The following ZNF264 variants were observed in gnomAD, a reference collection of about 807,000 sequenced individuals.
ZNF264 encodes the protein zinc finger protein 264.
A neutral mutation model predicts 11.2 loss-of-function variants in ZNF264; 11 were observed. The ratio of observed to expected loss-of-function variants is 0.98; its 90% CI spans 0.62 to 1.63. ZNF264 has a LOEUF of 1.63. Among genes scored for constraint, ZNF264 ranks in the 40% most tolerant of loss-of-function variants. The probability of loss-of-function intolerance (pLI) is 0.00; values close to 1 mark genes in which losing one functional copy is unlikely to be tolerated. For synonymous variants in ZNF264, 309 were observed against 279.8 expected (o/e 1.10, Z -1.04); for missense variants, 752 against 768.1 (o/e 0.98, Z 0.25).
At chr19:57,194,179 A>T (rs2087195805) in intron 2 of ZNF264, 178 bp downstream of exon 2, 4 of 849,084 alleles carry the variant, frequency 4.7e-6, no homozygotes, top group Non-Finnish European at 6.8e-6. Flanking sequence ...TCTCTGGGCT[A>T]AAGACAGGGT....
rs755933796 is a variant in ZNF264, at chr19:57,212,923, C to T, written c.1826C>T (p.Ser609Phe). 36 of 1,614,022 alleles carry T rather than the reference C, an allele frequency of 2.2e-5. No homozygotes were observed. Among genetic ancestry groups the T allele is most frequent in the Non-Finnish European group, 2.9e-5 (34 of 1,179,988 alleles). The change falls in exon 4 of 4, where the codon TCT becomes TTT. Residue 609 changes from serine (S) to phenylalanine (F), a missense_variant. By Grantham distance (155) the Ser-to-Phe change is radical. Coordinates refer to ENST00000263095, the MANE Select transcript of ZNF264 (RefSeq NM_003417.5). ...GCAAATATTTTGCCAGAGGAAACAT[C>T]TTCCTCTGCATCTGATCAACCATAC... ...TEANILPEET[S>F]SSASDQPYQR... is the part of the protein sequence containing the mutation.
At chr19:57,202,238 T>C (rs2087258656) in intron 2 of ZNF264, among the ~76,000 whole-genome samples, 1 of 151,766 alleles carries the variant, frequency 6.6e-6, no homozygotes, top group Non-Finnish European at 1.5e-5. Flanking sequence ...ACCCATGGGA[T>C]TTTAATTTAT....
chr19:57,191,749 G>A lies in ZNF264; in HGVS notation c.-165G>A. Reference sequence around the variant, plus strand: ...CTGGGTCTGGAACGCGGTTGCCACCGAGGAGGCGGCGGCCCTGCGTCTGGA... The same window carrying A: ...CTGGGTCTGGAACGCGGTTGCCACCAAGGAGGCGGCGGCCCTGCGTCTGGA... On this transcript the variant is annotated 5_prime_UTR_variant, in exon 1 of 4. Coordinates refer to ENST00000263095, the MANE Select transcript of ZNF264 (RefSeq NM_003417.5). 1 of 457,078 alleles carries A rather than the reference G, an allele frequency of 2.2e-6. No homozygotes were observed. The highest frequency in any genetic ancestry group is 3.6e-5 in the East Asian group (1 of 28,110). The allele number at this position is 457,078 out of a possible 1,614,324, so 28.3% of individuals were successfully genotyped here.
rs766463118 is a variant in ZNF264, at chr19:57,211,457, C to T, written c.360C>T (p.Asp120=). The change falls in exon 4 of 4, where the codon GAC becomes GAT. Residue 120 remains aspartate, a synonymous_variant. Transcript: ENST00000263095. Reference sequence around the variant, plus strand: ...AAGTGACACAAGGAAACTCAGTGGACTCACAGTTGGGGCAAGCCGAGGATC... The same window carrying T: ...AAGTGACACAAGGAAACTCAGTGGATTCACAGTTGGGGCAAGCCGAGGATC... ...QGQVTQGNSV[D]SQLGQAEDQD... 15 of 1,614,094 alleles carry T rather than the reference C, an allele frequency of 9.3e-6. No homozygotes were observed. In the South Asian group the frequency reaches 1.6e-4, roughly 18 times the overall value.
intron 1 of ZNF264, among the ~76,000 whole-genome samples, chr19:57,192,152 T>C (rs1285122372): frequency 6.6e-6 from 1 of 152,012 alleles, no homozygotes; most frequent in African/African-American, 2.4e-5. Flanking sequence ...GTTGAGTGAA[T>C]GATGCTTCCT....
In ZNF264 at chr19:57,192,289, C is replaced by T. The variant is rs1358001970; in HGVS notation, c.33+343C>T. The T allele has an allele frequency of 5.2e-6, 5 of 968,282 alleles. No homozygotes were observed. The African/African-American group carries it at 7.0e-5, about 14-fold the overall frequency. 60.0% of individuals were successfully genotyped at this position (968,282 alleles called of 1,614,324 possible). A position where few individuals can be genotyped will look rare whatever the true frequency, so the allele number is the denominator to read the frequency against. ...AGTAGCAAGCCGACAAATGCGCGAG[C>T]AGAGACAAGGTATGTTGTATGTTTA... On this transcript the variant is annotated intron_variant, in intron 1 of 3. Coordinates refer to ENST00000263095, the MANE Select transcript of ZNF264 (RefSeq NM_003417.5).
chr19:57,208,640 T>C (rs75542822), intron 3 of ZNF264, among the ~76,000 whole-genome samples: 3,161 of 152,314 alleles, frequency 0.021, 112 homozygotes, highest in African/African-American at 0.073. Flanking sequence ...GAAACAGTGA[T>C]ACTGTGGATA....
At chr19:57,192,241 AG>A in intron 1 of ZNF264, 2 of 694,398 alleles carry the variant, frequency 2.9e-6, no homozygotes, top group Non-Finnish European at 3.5e-6. Flanking sequence ...TGGGGGCCTG[AG>A]GGGGGAAGGG....
At chr19:57,193,686 C>T (rs935123048) in intron 1 of ZNF264, 189 bp from the exon 2 acceptor site, 14 of 621,132 alleles carry the variant, frequency 2.3e-5, no homozygotes, top group East Asian at 1.4e-4. Context: ...TAGGAGGCTT[C>T]TCTCCTTTAC....
At position 57,205,486 on chromosome 19, in the gene ZNF264, T is replaced by C; in HGVS notation, c.250T>C (p.Cys84Arg). The change falls in exon 3 of 4, where the codon TGT becomes CGT. Residue 84 changes from cysteine to arginine, a missense_variant. Coordinates refer to ENST00000263095, the MANE Select transcript of ZNF264 (RefSeq NM_003417.5). ...GAAGGAAGACCTCTCCCAAGACACCTGTCCAGGTAGGAGCCAAGATCTGGG... is the reference window on the plus strand; with the variant it reads ...GAAGGAAGACCTCTCCCAAGACACCCGTCCAGGTAGGAGCCAAGATCTGGG... ...TRKEDLSQDT[C>R]PGDKGKPKTT... 1 of 1,608,884 alleles carries C rather than the reference T, an allele frequency of 6.2e-7. No homozygotes were observed. The highest frequency in any genetic ancestry group is 1.3e-5 in the African/African-American group (1 of 75,008).
chr19:57,212,506 T>C lies in ZNF264; in HGVS notation c.1409T>C (p.Leu470Pro), dbSNP rs2087347452. The change falls in exon 4 of 4, where the codon CTC becomes CCC. Residue 470 changes from leucine (L) to proline (P), a missense_variant. Physicochemically the swap from Leu to Pro is moderately conservative, Grantham distance 98. Transcript: ENST00000263095. ...AAAGCCTTTAGCAATCGGAAGGACC[T>C]CATTCGCCACTTCAGCATCCACACT... is the stretch of plus-strand genomic sequence containing the variant. ...CGKAFSNRKD[L>P]IRHFSIHTGE... 6.2e-7 allele frequency: 1 copy of C among 1,614,024 alleles called. No homozygotes were observed. The highest frequency in any genetic ancestry group is 8.5e-7 in the Non-Finnish European group (1 of 1,180,002).
chr19:57,211,544 G>T lies in ZNF264; in HGVS notation c.447G>T (p.Lys149Asn). Residue 149 changes from lysine to asparagine, a missense_variant, in exon 4 of 4, where the codon AAG (lysine) becomes AAT (asparagine). Lys to Asn is a moderately conservative substitution (Grantham distance 94). Coordinates refer to ENST00000263095, the MANE Select transcript of ZNF264 (RefSeq NM_003417.5). ...HFRPGIDPQE[K>N]SPGKMSPECD... ...GACCAGGAATAGATCCCCAGGAGAA[G>T]TCTCCTGGGAAGATGAGCCCTGAAT... 1 of 1,614,082 alleles carries T rather than the reference G, an allele frequency of 6.2e-7. No individual in the cohort carries two copies. Among genetic ancestry groups the T allele is most frequent in the Non-Finnish European group, 8.5e-7 (1 of 1,180,004 alleles).
At position 57,212,171 on chromosome 19, in the gene ZNF264, C is replaced by T; in HGVS notation, c.1074C>T (p.Leu358=). The T allele has an allele frequency of 6.2e-7, 1 of 1,614,198 alleles. No individual in the cohort carries two copies. Among genetic ancestry groups the T allele is most frequent in the Non-Finnish European group, 8.5e-7 (1 of 1,180,036 alleles). Residue 358 remains leucine (L), a synonymous_variant, in exon 4 of 4, where the codon CTC becomes CTT. Transcript: ENST00000263095. ...AGGTCTTCAAACACAGGTCATATCT[C>T]ATGTGGCACCAGCAGACTCATACCG... ...CGKVFKHRSY[L]MWHQQTHTGE...
Position 57,218,288 on chromosome 19 carries a change from C to T in ZNF264, c.*5307C>T, listed in dbSNP as rs147285259. On this transcript the variant is annotated 3_prime_UTR_variant, in exon 4 of 4. Coordinates refer to ENST00000263095, the MANE Select transcript of ZNF264 (RefSeq NM_003417.5). ...TCTTTTAGACTTCAGAGATGTATCT[C>T]TCTGTTCTGTACATTATTGTTTAAT... 8 of 152,288 alleles carry T rather than the reference C, an allele frequency of 5.3e-5. No individual in the cohort carries two copies. Among genetic ancestry groups the T allele is most frequent in the African/African-American group, 1.9e-4 (8 of 41,562 alleles). The allele number at this position is 152,288 out of a possible 1,614,324, so 9.4% of individuals were successfully genotyped here.
chr19:57,192,383 G>A (rs912651498), intron 1 of ZNF264: 8 of 985,296 alleles, frequency 8.1e-6, no homozygotes, highest in Non-Finnish European at 9.6e-6. Flanking sequence ...GAGGGCAACA[G>A]TGTGTGGTCT....
rs1461087543 is a variant in ZNF264 at position 57,191,692 on chromosome 19, C to T, written c.-222C>T. 11 of 401,078 alleles carry T rather than the reference C, an allele frequency of 2.7e-5. No homozygotes were observed. Among genetic ancestry groups the T allele is most frequent in the Non-Finnish European group, 4.4e-5 (10 of 227,490 alleles). The allele number at this position is 401,078 out of a possible 1,614,324, so 24.8% of individuals were successfully genotyped here. ...CAAGCTGCGGTCTCTCCTCCCCCGC[C>T]CTTCAGCCCCGCGGTCTCCAGGGGC... On this transcript the variant is annotated 5_prime_UTR_variant, in exon 1 of 4. Coordinates refer to ENST00000263095, the MANE Select transcript of ZNF264 (RefSeq NM_003417.5).
At chr19:57,204,020 A>C (rs1173554611) in intron 2 of ZNF264, among the ~76,000 whole-genome samples, 1 of 152,088 alleles carries the variant, frequency 6.6e-6, no homozygotes, top group East Asian at 1.9e-4. Context: ...CCCTGTCTCT[A>C]CTGAAAATCC....
chr19:57,194,020 C>G lies in ZNF264; in HGVS notation c.160+19C>G, dbSNP rs1207736147. 11 of 1,589,912 alleles carry G rather than the reference C, an allele frequency of 6.9e-6. No homozygotes were observed. The highest frequency in any genetic ancestry group is 9.4e-6 in the Non-Finnish European group (11 of 1,167,842). ...TCTCTGGGTAAGGCCTTCCTTCCCC[C>G]TCCACCATGCAGGTGACCTGCCACT... On this transcript the variant is annotated intron_variant, in intron 2 of 3. Transcript: ENST00000263095.
intron 1 of ZNF264, chr19:57,192,412 C>T (rs902652129): frequency 7.1e-6 from 7 of 985,270 alleles, no homozygotes; most frequent in Non-Finnish European, 4.8e-6. Flanking sequence ...ATGTTCTAGC[C>T]ATCCGCAACT....
Sources: allele counts gnomAD v4.1 joint callset (sites outside exome capture counted in the v4.1 genomes callset), GRCh38; gene constraint gnomAD v4.1.1; transcripts MANE v1.5; gene names NCBI Gene and HGNC (gene_info 2026-07-23, HGNC 2026-07-21).